Variants in CSMD2 observed in about 807,000 individuals in gnomAD.
The protein encoded by CSMD2 is CUB and sushi domain-containing protein 2.
In CSMD2, 130 loss-of-function variants were observed where a neutral mutation model predicts 398.5. That is an observed-to-expected ratio of 0.33 (90% CI 0.28 to 0.38). The LOEUF (loss-of-function observed/expected upper bound fraction) is 0.38. CSMD2 is among the 10% of genes least tolerant of loss of function. The pLI is 1.00. For synonymous variants in CSMD2, 1,828 were observed against 1,908.5 expected, an observed-to-expected ratio of 0.96 and a Z score of 1.10; for missense variants, 3,829 against 4,764.9, an observed-to-expected ratio of 0.80 and a Z score of 5.78.
rs140100644 is a variant in CSMD2, at chr1:33,730,395, A to G, written c.2369-3710T>C. ...CTTTCTCAGAATATACCTTTTTTAT[A>G]TATTTAGCTTTGGAACTATGTAAAT... is the stretch of plus-strand genomic sequence containing the variant. On this transcript the variant is annotated intron_variant, in intron 15 of 70. Transcript: ENST00000373381. Among the ~76,000 whole-genome samples the G allele has an allele frequency of 2.6e-4, 39 of 152,306 alleles. 1 individual carries two copies. In the East Asian group the frequency reaches 7.5e-3, roughly 29 times the overall value.
chr1:33,764,217 T>C (rs1557858710), intron 13 of CSMD2, among the ~76,000 whole-genome samples: 1 of 152,142 alleles, frequency 6.6e-6, no homozygotes, highest in Non-Finnish European at 1.5e-5. Flanking sequence ...GCAGCCTCCT[T>C]TGTGACCCAT....
At chr1:33,889,965 G>A (rs980075289) in intron 5 of CSMD2, among the ~76,000 whole-genome samples, 3 of 151,758 alleles carry the variant, frequency 2.0e-5, no homozygotes, top group Non-Finnish European at 4.4e-5. Flanking sequence ...AATAAAAAGT[G>A]GGTATATACT....
At position 33,600,989 on chromosome 1, in the gene CSMD2, T is replaced by G. The variant is rs1640178134; in HGVS notation, c.6732A>C (p.Ala2244=). The G allele has an allele frequency of 1.9e-6, 3 of 1,614,184 alleles. No homozygotes were observed. The highest frequency in any genetic ancestry group is 2.5e-6 in the Non-Finnish European group (3 of 1,180,030). The part of the protein sequence containing the change: ...ITIWDGPQQT[A]PRLGVFTRSM... ...TCCGGGTGAAGACGCCGAGCCGTGG[T>G]GCTGTTTGCTGTGGCCCATCCCTGT... Residue 2244 remains alanine (A), a synonymous_variant, in exon 44 of 71, where the codon GCA becomes GCC. Transcript: ENST00000373381.
chr1:33,594,434 T>G (rs1415668368), intron 44 of CSMD2, among the ~76,000 whole-genome samples: 1 of 152,220 alleles, frequency 6.6e-6, no homozygotes, highest in Non-Finnish European at 1.5e-5. Flanking sequence ...GGTAACTTTC[T>G]CAGCCTGGAT....
At chr1:34,073,166 C>T (rs1008945930) in intron 2 of CSMD2, among the ~76,000 whole-genome samples, 6 of 152,222 alleles carry the variant, frequency 3.9e-5, no homozygotes, top group Non-Finnish European at 8.8e-5. Context: ...TTAACCACAG[C>T]TAACTTTCCT....
intron 29 of CSMD2, among the ~76,000 whole-genome samples, chr1:33,644,445 CAAG>C (rs1010546133): frequency 3.9e-5 from 6 of 152,012 alleles, no homozygotes; most frequent in Non-Finnish European, 8.8e-5. Flanking sequence ...GAATCTCTGC[CAAG>C]AAGAACTCAG....
chr1:33,649,057 C>T (rs1444504934), intron 28 of CSMD2, among the ~76,000 whole-genome samples: 7 of 152,086 alleles, frequency 4.6e-5, no homozygotes, highest in Non-Finnish European at 1.5e-5. Context: ...ATCTTAAATT[C>T]AATTTTTCCA....
At chr1:33,730,247 G>A (rs1646676947) in intron 15 of CSMD2, among the ~76,000 whole-genome samples, 1 of 152,116 alleles carries the variant, frequency 6.6e-6, no homozygotes, top group Non-Finnish European at 1.5e-5. Flanking sequence ...CTAAGAAAGG[G>A]GCAGAGGCAT....
At chr1:33,897,010 G>A (rs1642434738) in intron 5 of CSMD2, among the ~76,000 whole-genome samples, 1 of 152,088 alleles carries the variant, frequency 6.6e-6, no homozygotes, top group Admixed American at 6.5e-5. Flanking sequence ...CCGTGGTGGA[G>A]GGGGCAGGGT....
At chr1:33,653,659 G>A (rs1643871954) in intron 27 of CSMD2, among the ~76,000 whole-genome samples, 1 of 152,146 alleles carries the variant, frequency 6.6e-6, no homozygotes, top group Admixed American at 6.5e-5. Flanking sequence ...CTTCCCCAGA[G>A]CCTGGATCAG....
chr1:33,990,856 C>T (rs2147995271), intron 3 of CSMD2, among the ~76,000 whole-genome samples: 1 of 152,248 alleles, frequency 6.6e-6, no homozygotes, highest in South Asian at 2.1e-4. Flanking sequence ...AATATACAAT[C>T]CCAGCTAAAT....
intron 15 of CSMD2, among the ~76,000 whole-genome samples, chr1:33,735,062 G>A (rs2149233260): frequency 6.6e-6 from 1 of 152,292 alleles, no homozygotes; most frequent in East Asian, 1.9e-4. Flanking sequence ...TTTCTACGGG[G>A]ATGTCGAAAG....
At chr1:33,971,192 C>T (rs1645750223) in intron 3 of CSMD2, among the ~76,000 whole-genome samples, 1 of 152,230 alleles carries the variant, frequency 6.6e-6, no homozygotes, top group African/African-American at 2.4e-5. Context: ...TCCCAGAGAG[C>T]AGGACTCACG....
chr1:33,569,382 C>T lies in CSMD2; in HGVS notation c.8123G>A (p.Arg2708His), dbSNP rs768791970. Residue 2708 changes from arginine to histidine, a missense_variant, in exon 52 of 71, where the codon CGC (arginine) becomes CAC (histidine). Arg to His is a conservative substitution (Grantham distance 29). Coordinates refer to ENST00000373381, the MANE Select transcript of CSMD2 (RefSeq NM_001281956.2). ...ANGLWSGSEV[R>H]CLATQTKLHS... ...CTGCAGAGGTCACTTACCAAGGCAG[C>T]GGACTTCAGAGCCACTCCAGAGCCC... The T allele has an allele frequency of 1.2e-5, 20 of 1,612,550 alleles. No individual in the cohort carries two copies. The highest frequency in any genetic ancestry group is 6.7e-5 in the African/African-American group (5 of 74,892).
chr1:33,681,292 C>T (rs1644902487), intron 25 of CSMD2, among the ~76,000 whole-genome samples: 1 of 151,940 alleles, frequency 6.6e-6, no homozygotes. Flanking sequence ...TGTAAGTTTT[C>T]TTTAGTGATT....
intron 41 of CSMD2, among the ~76,000 whole-genome samples, chr1:33,606,414 G>A (rs979027696): frequency 6.6e-6 from 1 of 152,200 alleles, no homozygotes; most frequent in African/African-American, 2.4e-5. Flanking sequence ...GAGCACTCAC[G>A]TGGCTGTGTT....
At chr1:33,673,606 G>A (rs1246783835) in intron 25 of CSMD2, among the ~76,000 whole-genome samples, 1 of 152,180 alleles carries the variant, frequency 6.6e-6, no homozygotes, top group African/African-American at 2.4e-5. Context: ...AGGAAATACA[G>A]AGAGCACCAC....
chr1:33,550,485 G>A, intron 55 of CSMD2, 135 bp from the exon 56 acceptor site: 1 of 860,374 alleles, frequency 1.2e-6, no homozygotes, highest in Non-Finnish European at 1.8e-6. Context: ...CAAACTTCCT[G>A]CTGGCATGCC....
intron 53 of CSMD2, among the ~76,000 whole-genome samples, chr1:33,566,381 C>T (rs532021131): frequency 2.0e-5 from 3 of 150,734 alleles, no homozygotes; most frequent in South Asian, 4.2e-4. Flanking sequence ...AAGTCAAATA[C>T]GTAGAAACAG....
Sources: gnomAD v4.1 joint callset for allele counts (sites outside exome capture counted in the v4.1 genomes callset) on GRCh38, gnomAD v4.1.1 for gene constraint, MANE v1.5 for transcripts, NCBI Gene and HGNC (gene_info 2026-07-23, HGNC 2026-07-21) for gene names.